Variants in DDX50 observed in about 807,000 individuals in gnomAD.
DDX50 encodes the protein ATP-dependent RNA helicase DDX50.
A neutral mutation model predicts 94.8 loss-of-function variants in DDX50; 56 were observed. The ratio of observed to expected loss-of-function variants is 0.59; its 90% CI spans 0.48 to 0.74. DDX50 has a LOEUF of 0.74. Ranked by LOEUF, DDX50 falls within the 30% of genes least tolerant of loss-of-function variation. The probability of loss-of-function intolerance (pLI) is 0.00; values close to 1 mark genes in which losing one functional copy is unlikely to be tolerated. For synonymous variants in DDX50, 264 were observed against 295.4 expected, an observed-to-expected ratio of 0.89 and a Z score of 1.09; for missense variants, 713 against 881.2, an observed-to-expected ratio of 0.81 and a Z score of 2.42.
intron 8 of DDX50, among the ~76,000 whole-genome samples, chr10:68,927,056 G>A (rs1474397236): frequency 6.6e-6 from 1 of 152,030 alleles, no homozygotes; most frequent in Non-Finnish European, 1.5e-5. Flanking sequence ...GGGACTACAG[G>A]CATGCGCCAC....
Position 68,901,380 on chromosome 10 carries a change from C to T in DDX50, c.-5C>T, listed in dbSNP as rs746545871. On this transcript the variant is annotated 5_prime_UTR_variant, in exon 1 of 15. Transcript: ENST00000373585. ...GTGCCCGGAGGGAGGCGGCGGTGGC[C>T]AGTAATGCCTGGGAAACTCCTCTGG... 1.9e-6 allele frequency: 3 copies of T among 1,539,116 alleles called. No individual in the cohort carries two copies. The highest frequency in any genetic ancestry group is 5.1e-5 in the East Asian group (2 of 38,966).
intron 1 of DDX50, among the ~76,000 whole-genome samples, chr10:68,903,033 C>T (rs924146017): frequency 6.6e-6 from 1 of 152,174 alleles, no homozygotes; most frequent in African/African-American, 2.4e-5. Flanking sequence ...TACATATTGA[C>T]TGCCCTTTAA....
At chr10:68,910,519 C>G in intron 3 of DDX50, 137 bp downstream of exon 3, 1 of 611,906 alleles carries the variant, frequency 1.6e-6, no homozygotes, top group Admixed American at 3.4e-5. Context: ...TCTCCTACCT[C>G]AGCCTGCTGA....
chr10:68,943,906 C>T (rs778207330), intron 14 of DDX50, among the ~76,000 whole-genome samples: 41 of 152,148 alleles, frequency 2.7e-4, no homozygotes, highest in Non-Finnish European at 5.4e-4. Context: ...TCATTTCAAA[C>T]ATATTTTTTA....
chr10:68,932,340 A>G lies in DDX50; in HGVS notation c.1240-1859A>G, dbSNP rs551112218. On this transcript the variant is annotated intron_variant, in intron 8 of 14. Transcript: ENST00000373585. ...AGTGGAGCGATTACGGCTCACTGCA[A>G]CTTTTACCTCCTGGGTTCAAATGAT... 1.2e-4 allele frequency among the ~76,000 whole-genome samples: 19 copies of G among 152,308 alleles called. No individual in the cohort carries two copies. The East Asian group carries it at 3.5e-3, about 28-fold the overall frequency.
At chr10:68,928,811 A>G (rs1842156849) in intron 8 of DDX50, among the ~76,000 whole-genome samples, 1 of 152,218 alleles carries the variant, frequency 6.6e-6, no homozygotes, top group African/African-American at 2.4e-5. Context: ...CTAGGGCTAA[A>G]TCATACATCT....
chr10:68,920,033 T>G, intron 8 of DDX50, 52 bp downstream of exon 8: 1 of 1,603,394 alleles, frequency 6.2e-7, no homozygotes, highest in South Asian at 1.1e-5. Flanking sequence ...GATGAATCAC[T>G]GAACGAAAAT....
chr10:68,919,316 G>A (rs906944134), intron 7 of DDX50, among the ~76,000 whole-genome samples: 1 of 152,082 alleles, frequency 6.6e-6, no homozygotes, highest in East Asian at 1.9e-4. Context: ...GTAAAATCTT[G>A]TGTACATTTG....
At chr10:68,942,187 TTTG>T (rs1842569533) in intron 13 of DDX50, among the ~76,000 whole-genome samples, 1 of 152,250 alleles carries the variant, frequency 6.6e-6, no homozygotes, top group Non-Finnish European at 1.5e-5. Flanking sequence ...TGGCCTGCTC[TTTG>T]TTGTTAATGA....
Position 68,901,344 on chromosome 10 carries a change from T to G in DDX50, c.-41T>G. 1 of 1,508,120 alleles carries G rather than the reference T, an allele frequency of 6.6e-7. No homozygotes were observed. Among genetic ancestry groups the G allele is most frequent in the East Asian group, 2.6e-5 (1 of 38,152 alleles). The allele number at this position is 1,508,120 out of a possible 1,614,324, so 93.4% of individuals were successfully genotyped here. On this transcript the variant is annotated 5_prime_UTR_variant, in exon 1 of 15. Coordinates refer to ENST00000373585, the MANE Select transcript of DDX50 (RefSeq NM_024045.2). Reference sequence around the variant, plus strand: ...TCACGCTGTCGCTGCCCGTAGGTGGTTGTGGCCACTGTGCCCGGAGGGAGG... The same window carrying G: ...TCACGCTGTCGCTGCCCGTAGGTGGGTGTGGCCACTGTGCCCGGAGGGAGG...
Position 68,934,655 on chromosome 10 carries a change from A to G in DDX50, c.1402-144A>G. ...TTTAAATCATATTGCCTTTACCCCA[A>G]AATCCACACATATAAATTGTTTGGA... On this transcript the variant is annotated intron_variant, in intron 9 of 14. Coordinates refer to ENST00000373585, the MANE Select transcript of DDX50 (RefSeq NM_024045.2). This position sits in a 1 kb window ranked among gnomAD's most constrained non-coding sequence, Gnocchi z 4.0. 1 of 1,125,184 alleles carries G rather than the reference A, an allele frequency of 8.9e-7. No homozygotes were observed. Among genetic ancestry groups the G allele is most frequent in the Non-Finnish European group, 1.2e-6 (1 of 815,954 alleles). 69.7% of individuals were successfully genotyped at this position (1,125,184 alleles called of 1,614,324 possible). A position where few individuals can be genotyped will look rare whatever the true frequency, so the allele number is the denominator to read the frequency against.
intron 12 of DDX50, among the ~76,000 whole-genome samples, chr10:68,938,606 G>C (rs1219141899): frequency 6.6e-6 from 1 of 152,196 alleles, no homozygotes; most frequent in Admixed American, 6.5e-5. Context: ...AAAAAGGGCA[G>C]GGCAGGTTCA....
chr10:68,913,686 C>G, intron 6 of DDX50, 110 bp downstream of exon 6: 2 of 1,033,016 alleles, frequency 1.9e-6, no homozygotes, highest in Non-Finnish European at 2.7e-6. Context: ...TCTAACAAAA[C>G]TAAAATAATT....
chr10:68,940,619 T>C (rs1842533602), intron 12 of DDX50, among the ~76,000 whole-genome samples: 1 of 151,784 alleles, frequency 6.6e-6, no homozygotes, highest in African/African-American at 2.4e-5. Context: ...TATTTCACCA[T>C]GTTGCCCAGG....
rs575383149 is a variant in DDX50, at chr10:68,903,642, A to T, written c.87+2171A>T. On this transcript the variant is annotated intron_variant, in intron 1 of 14. Transcript: ENST00000373585. ...ATGGTGAAACTCCGTCTTTACTAAA[A>T]ATACAAAAATTAGCTGGGCATGGTG... 1.2e-3 allele frequency among the ~76,000 whole-genome samples: 189 copies of T among 152,262 alleles called. 2 individuals are homozygous for T. The highest frequency in any genetic ancestry group is 4.3e-3 in the African/African-American group (178 of 41,556).
At chr10:68,923,914 A>G (rs1842007280) in intron 8 of DDX50, among the ~76,000 whole-genome samples, 1 of 136,698 alleles carries the variant, frequency 7.3e-6, no homozygotes, top group Non-Finnish European at 1.6e-5. Context: ...TTTCTAGATC[A>G]CTTTATTTGA....
intron 4 of DDX50, chr10:68,911,880 A>G (rs1290584712): frequency 1.3e-5 from 2 of 152,246 alleles, no homozygotes; most frequent in African/African-American, 4.8e-5. Flanking sequence ...GACTAGTAAA[A>G]TGTAAGCCTA....
In DDX50 at chr10:68,941,109, G is replaced by A; in HGVS notation, c.1805G>A (p.Ser602Asn). The A allele has an allele frequency of 1.2e-6, 2 of 1,612,666 alleles. No homozygotes were observed. Among genetic ancestry groups the A allele is most frequent in the Non-Finnish European group, 1.7e-6 (2 of 1,179,934 alleles). ...LESLEEIQDV[S>N]CAWKELNRKL... ...AGCCTAGAGGAAATACAGGATGTCA[G>A]CTGTGCTTGGAAAGAACTTAACAGA... Residue 602 changes from serine to asparagine, a missense_variant, in exon 13 of 15, where the codon AGC becomes AAC. Transcript: ENST00000373585.
intron 13 of DDX50, among the ~76,000 whole-genome samples, chr10:68,942,859 A>ATTT (rs1278808496): frequency 1.3e-5 from 2 of 151,954 alleles, no homozygotes; most frequent in East Asian, 3.9e-4. Context: ...GGACTCAAAC[A>ATTT]ATCTGTCCAC....
Sources: gnomAD v4.1 joint callset for allele counts (sites outside exome capture counted in the v4.1 genomes callset) on GRCh38, gnomAD v4.1.1 for gene constraint, Gnocchi (gnomAD v3.1) non-coding constraint, MANE v1.5 for transcripts, NCBI Gene and HGNC (gene_info 2026-07-23, HGNC 2026-07-21) for gene names.